The following NOX4 variants were observed in gnomAD, a reference collection of about 807,000 sequenced individuals.
NOX4 encodes kidney oxidase-1.
Under a neutral mutation model 87.6 loss-of-function variants are expected in NOX4, and 69 were observed. That is an observed-to-expected ratio of 0.79 (90% CI 0.65 to 0.96). The LOEUF is 0.96. Ranked by LOEUF, NOX4 falls within the 40% of genes least tolerant of loss-of-function variation. NOX4 has a pLI of 0.00. For missense variants in NOX4, 680 were observed against 681.5 expected (o/e 1.00, Z 0.02); for synonymous variants, 275 against 238.2 (o/e 1.15, Z -1.42).
chr11:89,391,414 C>A (rs77190475), intron 11 of NOX4, among the ~76,000 whole-genome samples: 5,096 of 151,994 alleles, frequency 0.034, 292 homozygotes, highest in African/African-American at 0.12. Flanking sequence ...CAGGGTGAGA[C>A]CCAAAAGTGG....
At chr11:89,501,055 T>A (rs895630759), upstream of NOX4, among the ~76,000 whole-genome samples, 3 of 152,090 alleles carry the variant, frequency 2.0e-5, no homozygotes, top group African/African-American at 7.2e-5. Flanking sequence ...ACTGCATTAT[T>A]ACCAAGCTGT....
chr11:89,422,958 A>T (rs1751385051), intron 7 of NOX4, among the ~76,000 whole-genome samples: 2 of 151,560 alleles, frequency 1.3e-5, no homozygotes, highest in African/African-American at 4.8e-5. Context: ...CGCCACCATG[A>T]CCAGCTAATA....
At chr11:89,440,025 T>TC (rs1438854034) in intron 6 of NOX4, among the ~76,000 whole-genome samples, 4 of 149,334 alleles carry the variant, frequency 2.7e-5, no homozygotes, top group African/African-American at 1.0e-4. Context: ...CAGGAGCCTG[T>TC]TAAACATGCA....
chr11:89,546,680 G>A, the NOX4 span: 1 of 152,234 alleles, frequency 6.6e-6, no homozygotes, highest in South Asian at 2.1e-4. Flanking sequence ...GCTGGCACCT[G>A]GTGAGGGTCT....
chr11:89,382,227 C>A (rs10830266), intron 11 of NOX4, among the ~76,000 whole-genome samples: 53,769 of 151,488 alleles, frequency 0.35, 9,687 homozygotes, highest in East Asian at 0.43. Flanking sequence ...CTATGGGCAA[C>A]CTTCCACCCT....
chr11:89,566,482 G>A, the NOX4 span, among the ~76,000 whole-genome samples: 1 of 152,096 alleles, frequency 6.6e-6, no homozygotes, highest in African/African-American at 2.4e-5. Flanking sequence ...TGAATATTTG[G>A]TAGGATTTAT....
intron 6 of NOX4, among the ~76,000 whole-genome samples, chr11:89,438,385 A>G: frequency 9.0e-6 from 1 of 111,336 alleles, no homozygotes; most frequent in East Asian, 2.5e-4. Context: ...AATATATAAT[A>G]TATAATTATA....
intron 8 of NOX4, among the ~76,000 whole-genome samples, chr11:89,405,486 A>G (rs1442873296): frequency 1.3e-5 from 2 of 152,058 alleles, no homozygotes; most frequent in African/African-American, 4.8e-5. Flanking sequence ...CTATAGTAAT[A>G]AAAACAATAT....
chr11:89,493,672 T>C (rs1946914893), upstream of NOX4, among the ~76,000 whole-genome samples: 1 of 151,360 alleles, frequency 6.6e-6, no homozygotes, highest in Non-Finnish European at 1.5e-5. Context: ...ACGCAGGAAC[T>C]CTCATTAATG....
intron 17 of NOX4, among the ~76,000 whole-genome samples, chr11:89,333,961 A>AAT (rs1357678762): frequency 1.3e-5 from 2 of 151,690 alleles, no homozygotes; most frequent in Admixed American, 6.6e-5. Context: ...CAAACTACCA[A>AAT]ATATATACAC....
At chr11:89,444,611 G>T (rs1012670398) in intron 4 of NOX4, among the ~76,000 whole-genome samples, 6 of 151,494 alleles carry the variant, frequency 4.0e-5, no homozygotes, top group Non-Finnish European at 8.8e-5. Flanking sequence ...GATATTTTAG[G>T]TATTCCACAT....
chr11:89,403,276 A>G (rs1941980019), intron 8 of NOX4, among the ~76,000 whole-genome samples: 1 of 152,182 alleles, frequency 6.6e-6, no homozygotes, highest in Non-Finnish European at 1.5e-5. Context: ...ACATCTACCT[A>G]GTAGGGATAA....
intron 8 of NOX4, among the ~76,000 whole-genome samples, chr11:89,414,841 C>A (rs1942674839): frequency 6.6e-6 from 1 of 151,728 alleles, no homozygotes. Context: ...TGATTCAAAA[C>A]AGGCAAACAT....
At chr11:89,459,612 G>A (rs575782791) in intron 2 of NOX4, among the ~76,000 whole-genome samples, 1 of 152,044 alleles carries the variant, frequency 6.6e-6, no homozygotes, top group East Asian at 1.9e-4. Context: ...GGGATGTGAA[G>A]GACCTCTTCA....
chr11:89,566,618 T>A, the NOX4 span, among the ~76,000 whole-genome samples: 5 of 152,202 alleles, frequency 3.3e-5, no homozygotes, highest in African/African-American at 1.2e-4. Flanking sequence ...GGAGCCAAGA[T>A]GGCTAGCTAG....
At chr11:89,533,531 T>G in the NOX4 span, 1 of 151,650 alleles carries the variant, frequency 6.6e-6, no homozygotes, top group Non-Finnish European at 1.5e-5. Context: ...GTTCCCTGTG[T>G]TGCTGCTTGA....
chr11:89,579,582 G>A, the NOX4 span, among the ~76,000 whole-genome samples: 163 of 152,180 alleles, frequency 1.1e-3, no homozygotes, highest in African/African-American at 3.8e-3. Context: ...GAATCTACCT[G>A]TAAAATAGCC....
chr11:89,342,829 C>CAG lies in NOX4; in HGVS notation c.1218-638_1218-637dup, dbSNP rs376592787. Among the ~76,000 whole-genome samples, 21 of 149,950 alleles carry CAG rather than the reference C, an allele frequency of 1.4e-4. No homozygotes were observed. In the South Asian group the frequency reaches 1.9e-3, roughly 13 times the overall value. On this transcript the variant is annotated intron_variant, in intron 13 of 17. Coordinates refer to ENST00000263317, the MANE Select transcript of NOX4 (RefSeq NM_016931.5). ...TATATTCAAGTGTGTGTGTGTGAGA[C>CAG]AGAGAGAGAGAGAGAGCATAGAGAA...
At chr11:89,418,602 T>C (rs1337592229) in intron 8 of NOX4, among the ~76,000 whole-genome samples, 3 of 151,790 alleles carry the variant, frequency 2.0e-5, no homozygotes, top group African/African-American at 4.8e-5. Flanking sequence ...GAGAAACAGA[T>C]GAATAGAATT....
Sources: allele counts gnomAD v4.1 joint callset (sites outside exome capture counted in the v4.1 genomes callset), GRCh38; gene constraint gnomAD v4.1.1; transcripts MANE v1.5; gene names NCBI Gene and HGNC (gene_info 2026-07-23, HGNC 2026-07-21).